The following DPP10 variants were observed in gnomAD, a reference collection of about 807,000 sequenced individuals.
The protein encoded by DPP10 is inactive dipeptidyl peptidase 10.
Under a neutral mutation model 120.9 loss-of-function variants are expected in DPP10, and 33 were observed. The ratio of observed to expected loss-of-function variants is 0.27; its 90% CI spans 0.21 to 0.37. The LOEUF (loss-of-function observed/expected upper bound fraction) is 0.37. Among genes scored for constraint, DPP10 ranks in the 10% least tolerant of loss-of-function variants. DPP10 has a pLI of 1.00. For synonymous variants in DPP10, 337 were observed against 326.1 expected (o/e 1.03, Z -0.36); for missense variants, 816 against 942.8 (o/e 0.87, Z 1.76).
intron 1 of DPP10, among the ~76,000 whole-genome samples, chr2:114,819,517 C>T (rs1039850248): frequency 1.3e-5 from 2 of 152,138 alleles, no homozygotes; most frequent in African/African-American, 2.4e-5. Context: ...CCAACAGTTA[C>T]AAAGAAATAT....
chr2:115,755,944 G>GTA (rs145965764), intron 11 of DPP10, among the ~76,000 whole-genome samples: 65,149 of 150,650 alleles, frequency 0.43, 16,805 homozygotes, highest in East Asian at 0.66. Flanking sequence ...GTGTGTGTGT[G>GTA]TATATATATA....
intron 1 of DPP10, among the ~76,000 whole-genome samples, chr2:114,509,445 GA>G (rs1399048699): frequency 2.6e-5 from 4 of 152,212 alleles, no homozygotes; most frequent in African/African-American, 9.6e-5. Context: ...AGTTAGTCGA[GA>G]AATTAAATAA....
chr2:115,124,758 C>A lies in DPP10; in HGVS notation c.61-184481C>A, dbSNP rs534816961. The stretch of plus-strand genomic sequence containing the variant: ...GAAATGGGAAATGTCTGTTTGTTAA[C>A]CAAGGTATCACTAGTGTCTAAAAGA... On this transcript the variant is annotated intron_variant, in intron 1 of 25. Coordinates refer to ENST00000410059, the MANE Select transcript of DPP10 (RefSeq NM_020868.6). 2.0e-5 allele frequency among the ~76,000 whole-genome samples: 3 copies of A among 152,202 alleles called. No individual in the cohort carries two copies. In the South Asian group the frequency reaches 6.2e-4, roughly 32 times the overall value.
At chr2:114,953,775 T>C (rs535430818) in intron 1 of DPP10, among the ~76,000 whole-genome samples, 6 of 152,284 alleles carry the variant, frequency 3.9e-5, no homozygotes, top group African/African-American at 1.4e-4. Flanking sequence ...GTATTATGAA[T>C]GTTCTAATTT....
intron 1 of DPP10, among the ~76,000 whole-genome samples, chr2:115,119,760 C>T (rs1255566702): frequency 6.6e-6 from 1 of 152,026 alleles, no homozygotes; most frequent in Non-Finnish European, 1.5e-5. Context: ...AGGACAGTAT[C>T]CCTCATTGAG....
intron 5 of DPP10, among the ~76,000 whole-genome samples, chr2:115,687,930 C>A (rs899509042): frequency 2.0e-5 from 3 of 151,980 alleles, no homozygotes; most frequent in Non-Finnish European, 4.4e-5. Context: ...AGGATGAATA[C>A]CCTCTTTCCC....
intron 19 of DPP10, among the ~76,000 whole-genome samples, chr2:115,800,691 G>A (rs1041260378): frequency 2.0e-5 from 3 of 152,098 alleles, no homozygotes; most frequent in African/African-American, 7.2e-5. Context: ...GTTAAATAGG[G>A]AATCCTTTCC....
At chr2:114,581,765 T>C (rs1690545125) in intron 1 of DPP10, among the ~76,000 whole-genome samples, 1 of 152,214 alleles carries the variant, frequency 6.6e-6, no homozygotes, top group Non-Finnish European at 1.5e-5. Flanking sequence ...TTAAAAATGA[T>C]CCTTTAATAT....
intron 3 of DPP10, among the ~76,000 whole-genome samples, chr2:115,484,967 AGGCT>A (rs1341270724): frequency 6.6e-6 from 1 of 152,112 alleles, no homozygotes; most frequent in African/African-American, 2.4e-5. Flanking sequence ...GCTACTTGGG[AGGCT>A]GAGGCAGGAG....
At position 115,814,773 on chromosome 2, in the gene DPP10, C is replaced by T; in HGVS notation, c.1701-20C>T. 2 of 1,492,452 alleles carry T rather than the reference C, an allele frequency of 1.3e-6. No individual in the cohort carries two copies. 92.5% of individuals were successfully genotyped at this position (1,492,452 alleles called of 1,614,324 possible). On this transcript the variant is annotated intron_variant, in intron 19 of 25. Transcript: ENST00000410059. ...ATTTTCAGTTGCTCTTGTTTTGGTC[C>T]AATATGTTGGTATTTGCAGGGATGA...
chr2:115,318,350 A>G lies in DPP10; in HGVS notation c.175+8997A>G, dbSNP rs2061898330. ...ACTGCACCTTTGTGGAATGTTTGAA[A>G]TCTGGAAGTGTGACTATTACACTTT... On this transcript the variant is annotated intron_variant, in intron 2 of 25. Transcript: ENST00000410059. Among the ~76,000 whole-genome samples, 3 of 152,114 alleles carry G rather than the reference A, an allele frequency of 2.0e-5. No homozygotes were observed. In the South Asian group the frequency reaches 6.2e-4, roughly 31 times the overall value.
intron 1 of DPP10, among the ~76,000 whole-genome samples, chr2:115,020,157 ATC>A (rs1273167628): frequency 2.0e-5 from 3 of 152,222 alleles, no homozygotes; most frequent in Non-Finnish European, 4.4e-5. Context: ...AGTACCACAC[ATC>A]TCAATACTAG....
chr2:115,778,631 A>C (rs1050191125), intron 15 of DPP10, among the ~76,000 whole-genome samples: 1 of 152,086 alleles, frequency 6.6e-6, no homozygotes, highest in East Asian at 1.9e-4. Context: ...TCTCAGGGGA[A>C]ATTCATCATG....
intron 1 of DPP10, among the ~76,000 whole-genome samples, chr2:114,753,908 C>CAAAAAAAAAAAAAAAAAAA (rs777798352): frequency 8.9e-5 from 3 of 33,764 alleles, no homozygotes; most frequent in Non-Finnish European, 2.0e-4. Flanking sequence ...GACTCCTTCT[C>CAAAAAAAAAAAAAAAAAAA]AAAAAAAAAA....
chr2:114,541,253 G>A (rs1052900683), intron 1 of DPP10, among the ~76,000 whole-genome samples: 1 of 152,108 alleles, frequency 6.6e-6, no homozygotes, highest in Non-Finnish European at 1.5e-5. Flanking sequence ...ATACTCGGGG[G>A]GTCTGGATAT....
intron 5 of DPP10, among the ~76,000 whole-genome samples, chr2:115,611,622 C>G (rs2084105835): frequency 6.6e-6 from 1 of 152,088 alleles, no homozygotes; most frequent in South Asian, 2.1e-4. Flanking sequence ...TCTACTGTAG[C>G]TTACAGAAGA....
chr2:115,836,305 A>C, intron 22 of DPP10, 49 bp downstream of exon 22: 2 of 1,534,948 alleles, frequency 1.3e-6, no homozygotes, highest in South Asian at 2.4e-5. Context: ...GATTTGTAGA[A>C]AACGAAAGCC....
intron 3 of DPP10, among the ~76,000 whole-genome samples, chr2:115,447,259 C>A (rs1022493679): frequency 2.0e-5 from 3 of 152,182 alleles, no homozygotes; most frequent in African/African-American, 7.2e-5. Flanking sequence ...GGGACATTTA[C>A]CAAATGCCTG....
chr2:115,052,381 TA>T (rs1705563932), intron 1 of DPP10, among the ~76,000 whole-genome samples: 1 of 151,778 alleles, frequency 6.6e-6, no homozygotes, highest in Admixed American at 6.6e-5. Flanking sequence ...ATCAAGGAAG[TA>T]AAAAAAGACC....
Sources: gnomAD v4.1 joint callset for allele counts (sites outside exome capture counted in the v4.1 genomes callset) on GRCh38, gnomAD v4.1.1 for gene constraint, MANE v1.5 for transcripts, NCBI Gene and HGNC (gene_info 2026-07-23, HGNC 2026-07-21) for gene names.